DAB1: variants seen among roughly 807,000 people sequenced by gnomAD.
DAB1 encodes the protein disabled homolog 1.
Under a neutral mutation model 64.6 loss-of-function variants are expected in DAB1, and 15 were observed. The ratio of observed to expected loss-of-function variants is 0.23; its 90% CI spans 0.16 to 0.36. The LOEUF (loss-of-function observed/expected upper bound fraction) is 0.36. DAB1 is among the 10% of genes least tolerant of loss of function. The probability of loss-of-function intolerance (pLI) is 1.00; values close to 1 mark genes in which losing one functional copy is unlikely to be tolerated. For synonymous variants in DAB1, 235 were observed against 251.9 expected (o/e 0.93, Z 0.64); for missense variants, 596 against 706.7 (o/e 0.84, Z 1.78).
chr1:58,092,875 T>C (rs894812092), intron 5 of DAB1, among the ~76,000 whole-genome samples: 15 of 152,192 alleles, frequency 9.9e-5, no homozygotes, highest in African/African-American at 3.6e-4. Flanking sequence ...AGATGAAGTT[T>C]CTAACTGCAC....
rs1654449516 is a variant in DAB1 at position 58,143,921 on chromosome 1, G to A, written n.387+6590C>T. The stretch of plus-strand genomic sequence containing the variant: ...CAACCAGATTTTAACTGCACAAACA[G>A]GATGATGTCTTGTCAGAGCATTTAT... On this transcript the variant is annotated intron_variant and non_coding_transcript_variant, in intron 5 of 20. Coordinates refer to the DAB1 transcript ENST00000485760. Among the ~76,000 whole-genome samples, 2 of 152,148 alleles carry A rather than the reference G, an allele frequency of 1.3e-5. 1 individual carries two copies. The highest frequency in any genetic ancestry group is 4.1e-4 in the South Asian group (2 of 4,828).
chr1:57,951,599 G>A (rs1039787067), intron 5 of DAB1, among the ~76,000 whole-genome samples: 2 of 152,144 alleles, frequency 1.3e-5, no homozygotes, highest in South Asian at 4.2e-4. Context: ...TGACGTCACA[G>A]AGTATTAGTT....
At chr1:57,671,519 G>T (rs1646510178) in intron 6 of DAB1, among the ~76,000 whole-genome samples, 1 of 151,958 alleles carries the variant, frequency 6.6e-6, no homozygotes, top group Non-Finnish European at 1.5e-5. Context: ...ACTTTGATGG[G>T]TCCCCATTTA....
At chr1:57,931,949 T>A (rs1193888387) in intron 5 of DAB1, among the ~76,000 whole-genome samples, 1 of 152,184 alleles carries the variant, frequency 6.6e-6, no homozygotes, top group Non-Finnish European at 1.5e-5. Flanking sequence ...TTATTAATTT[T>A]AGATCTTTCT....
chr1:57,493,574 G>A (rs1238511200), intron 7 of DAB1, among the ~76,000 whole-genome samples: 1 of 152,128 alleles, frequency 6.6e-6, no homozygotes, highest in Non-Finnish European at 1.5e-5. Context: ...TTGGGCTACT[G>A]AGAAAAATGC....
Position 58,112,896 on chromosome 1 carries a change from T to G in DAB1, n.387+37615A>C, listed in dbSNP as rs115468715. On this transcript the variant is annotated intron_variant and non_coding_transcript_variant, in intron 5 of 20. Transcript: ENST00000485760. Reference sequence around the variant, plus strand: ...GGAAGGCTGTGGGGACACTCTTCCCTGAAGATTTTAAAGATAAAGAAAAGC... The same window carrying G: ...GGAAGGCTGTGGGGACACTCTTCCCGGAAGATTTTAAAGATAAAGAAAAGC... Among the ~76,000 whole-genome samples, 424 of 152,272 alleles carry G rather than the reference T, an allele frequency of 2.8e-3. 2 individuals are homozygous for G. Among genetic ancestry groups the G allele is most frequent in the Non-Finnish European group, 4.0e-3 (269 of 68,018 alleles).
At chr1:57,624,197 A>G (rs756003564) in intron 7 of DAB1, among the ~76,000 whole-genome samples, 1 of 152,226 alleles carries the variant, frequency 6.6e-6, no homozygotes, top group East Asian at 1.9e-4. Flanking sequence ...TCCTCCTTTC[A>G]TCTTTTCAGG....
chr1:57,173,689 A>T (rs1413270074), intron 2 of DAB1, among the ~76,000 whole-genome samples: 2 of 152,226 alleles, frequency 1.3e-5, no homozygotes, highest in Non-Finnish European at 2.9e-5. Flanking sequence ...AACATTTCAT[A>T]TAAGACATTT....
At chr1:57,342,797 T>A (rs1189136305) in intron 1 of DAB1, among the ~76,000 whole-genome samples, 1 of 149,706 alleles carries the variant, frequency 6.7e-6, no homozygotes, top group South Asian at 2.1e-4. Flanking sequence ...GTTACAGCTC[T>A]TAAGGAGGCG....
intron 3 of DAB1, among the ~76,000 whole-genome samples, chr1:58,377,699 T>G (rs1212779622): frequency 7.2e-6 from 1 of 139,674 alleles, no homozygotes; most frequent in African/African-American, 2.8e-5. Flanking sequence ...TGGTGTTCTC[T>G]GTATTTCCTG....
chr1:57,846,879 G>A (rs932360541), intron 1 of DAB1, among the ~76,000 whole-genome samples: 1 of 152,154 alleles, frequency 6.6e-6, no homozygotes, highest in African/African-American at 2.4e-5. Flanking sequence ...GTTTTTCCAG[G>A]CAAAAAGGAG....
chr1:57,879,056 T>G (rs913056657), intron 1 of DAB1, among the ~76,000 whole-genome samples: 5 of 152,160 alleles, frequency 3.3e-5, no homozygotes, highest in Admixed American at 6.5e-5. Context: ...ATATCTCATT[T>G]TTTATCCATT....
At chr1:58,485,688 T>C (rs1645565072) in intron 3 of DAB1, among the ~76,000 whole-genome samples, 1 of 152,124 alleles carries the variant, frequency 6.6e-6, no homozygotes, top group African/African-American at 2.4e-5. Flanking sequence ...ATCTATCTTA[T>C]TAAATATATC....
chr1:57,377,505 A>G (rs1470080997), intron 1 of DAB1, among the ~76,000 whole-genome samples: 1 of 152,170 alleles, frequency 6.6e-6, no homozygotes, highest in African/African-American at 2.4e-5. Context: ...GCACATAAAC[A>G]TTGAGAATCA....
At chr1:57,969,030 T>C (rs1275919481) in intron 5 of DAB1, among the ~76,000 whole-genome samples, 2 of 152,336 alleles carry the variant, frequency 1.3e-5, no homozygotes, top group South Asian at 2.1e-4. Context: ...GTATCATTCT[T>C]GTTTATCTGG....
At chr1:58,517,989 C>A (rs1415065699) in intron 2 of DAB1, among the ~76,000 whole-genome samples, 1 of 151,266 alleles carries the variant, frequency 6.6e-6, no homozygotes, top group Non-Finnish European at 1.5e-5. Context: ...GAGTTCGAGA[C>A]CAGCCTGCCC....
chr1:58,142,052 A>G lies in DAB1; in HGVS notation n.387+8459T>C, dbSNP rs536794469. 4.0e-5 allele frequency among the ~76,000 whole-genome samples: 6 copies of G among 151,582 alleles called. 1 individual carries two copies. The East Asian group carries it at 1.2e-3, about 30-fold the overall frequency. On this transcript the variant is annotated intron_variant and non_coding_transcript_variant, in intron 5 of 20. Coordinates refer to the DAB1 transcript ENST00000485760. Reference sequence around the variant, plus strand: ...CCCCTCTCTGCCTGCCTAAATTTTAACCAACGTTCATGAGCCGATGCTGCT... The same window carrying G: ...CCCCTCTCTGCCTGCCTAAATTTTAGCCAACGTTCATGAGCCGATGCTGCT...
chr1:58,515,717 G>T (rs1348844538), intron 2 of DAB1, among the ~76,000 whole-genome samples: 1 of 152,164 alleles, frequency 6.6e-6, no homozygotes, highest in Non-Finnish European at 1.5e-5. Flanking sequence ...AAGATACTTT[G>T]CTGTGATGAA....
intron 6 of DAB1, among the ~76,000 whole-genome samples, chr1:57,672,863 G>T (rs1212433465): frequency 1.3e-5 from 2 of 151,960 alleles, no homozygotes; most frequent in African/African-American, 4.8e-5. Flanking sequence ...TATCTCTATT[G>T]GCTAACATAG....
Sources: allele counts gnomAD v4.1 joint callset (sites outside exome capture counted in the v4.1 genomes callset), GRCh38; gene constraint gnomAD v4.1.1; transcripts MANE v1.5; gene names NCBI Gene and HGNC (gene_info 2026-07-23, HGNC 2026-07-21).